Variants in TEX14 observed in about 807,000 individuals in gnomAD.
The protein encoded by TEX14 is inactive serine/threonine-protein kinase TEX14.
A neutral mutation model predicts 178.6 loss-of-function variants in TEX14; 168 were observed. The observed-to-expected ratio is 0.94, with a 90% confidence interval of 0.83 to 1.07. TEX14 has a LOEUF of 1.07. Ranked by LOEUF, TEX14 falls within the 50% of genes least tolerant of loss-of-function variation. TEX14 has a pLI of 0.00. For missense variants in TEX14, 1,730 were observed against 1,753.6 expected (o/e 0.99, Z 0.24); for synonymous variants, 626 against 634.1 (o/e 0.99, Z 0.19).
intron 1 of TEX14, among the ~76,000 whole-genome samples, chr17:58,662,310 C>T (rs1178333095): frequency 2.0e-5 from 3 of 151,590 alleles, no homozygotes; most frequent in East Asian, 3.9e-4. Context: ...ATTAGCTGGG[C>T]GTGGTGGCGG....
chr17:58,680,653 T>C (rs1290258501), intron 1 of TEX14, among the ~76,000 whole-genome samples: 1 of 151,964 alleles, frequency 6.6e-6, no homozygotes, highest in African/African-American at 2.4e-5. Context: ...GGAGAACCTC[T>C]TGAACCTAGG....
At chr17:58,612,940 G>A (rs1018396436) in intron 9 of TEX14, among the ~76,000 whole-genome samples, 1 of 151,942 alleles carries the variant, frequency 6.6e-6, no homozygotes, top group Non-Finnish European at 1.5e-5. Flanking sequence ...AGTGGCTCAC[G>A]CCTGCAATCC....
chr17:58,574,077 A>T (rs1226499229), intron 22 of TEX14, 110 bp downstream of exon 22: 2 of 884,498 alleles, frequency 2.3e-6, no homozygotes, highest in African/African-American at 3.4e-5. Context: ...GCATACTCAC[A>T]TTAAGTCTAC....
chr17:58,674,058 G>C (rs2047348134), intron 1 of TEX14, among the ~76,000 whole-genome samples: 1 of 152,160 alleles, frequency 6.6e-6, no homozygotes, highest in Admixed American at 6.6e-5. Context: ...CAGATTGCCT[G>C]AGATCAGGAG....
Position 58,564,951 on chromosome 17 carries a change from C to T in TEX14, c.3982G>A (p.Glu1328Lys). The T allele has an allele frequency of 5.0e-6, 8 of 1,597,402 alleles. No individual in the cohort carries two copies. The highest frequency in any genetic ancestry group is 2.2e-5 in the East Asian group (1 of 44,714). Residue 1328 changes from glutamate to lysine, a missense_variant, in exon 28 of 32, where the codon GAA (glutamate) becomes AAA (lysine). Transcript: ENST00000349033. ...GTANDQRHLE[E>K]QETDSKKEDS... ...TCTTTTTTACTGTCAGTTTCTTGTTCTTCTAAGTGCCTTTGATCTAAAAAC... is the reference window on the plus strand; with the variant it reads ...TCTTTTTTACTGTCAGTTTCTTGTTTTTCTAAGTGCCTTTGATCTAAAAAC...
intron 2 of TEX14, chr17:58,631,105 C>A: frequency 1.1e-6 from 1 of 951,466 alleles, no homozygotes; most frequent in Non-Finnish European, 1.3e-6. Context: ...ATATGCCTTA[C>A]CTACCAAGAA....
chr17:58,686,672 A>C (rs1424706982), intron 1 of TEX14, among the ~76,000 whole-genome samples: 1 of 152,064 alleles, frequency 6.6e-6, no homozygotes, highest in African/African-American at 2.4e-5. Context: ...CAACAAATAC[A>C]TATTGGGCTT....
intron 28 of TEX14, among the ~76,000 whole-genome samples, chr17:58,563,621 TTATATATATATATATA>T (rs3034889): frequency 0.099 from 4,619 of 46,502 alleles, 232 homozygotes; most frequent in Middle Eastern, 0.13. Context: ...CATCTCTAAT[TTATATATATATATATA>T]TATATATATA....
chr17:58,581,826 A>G, intron 19 of TEX14: 1 of 1,363,542 alleles, frequency 7.3e-7, no homozygotes, highest in Non-Finnish European at 1.0e-6. Context: ...GTTATCTAAC[A>G]CTACCCAGCA....
intron 1 of TEX14, among the ~76,000 whole-genome samples, chr17:58,682,625 C>T (rs970423457): frequency 1.3e-5 from 2 of 152,088 alleles, no homozygotes; most frequent in African/African-American, 2.4e-5. Context: ...AGGCCCACCT[C>T]AGCTTCCCAA....
At position 58,584,563 on chromosome 17, in the gene TEX14, T is replaced by C; in HGVS notation, c.3108A>G (p.Pro1036=). 6.2e-7 allele frequency: 1 copy of C among 1,614,202 alleles called. No homozygotes were observed. ...TTGCTTGGAAGGCTTCACTATGCTC[T>C]GGTTGCTCCTTTTGTCTGGGAGATG... The part of the protein sequence containing the change: ...RHPSPRQKEQ[P]EHSEAFQASS... The change falls in exon 19 of 32, where the codon CCA becomes CCG. Residue 1036 remains proline (P), a synonymous_variant. Coordinates refer to ENST00000349033, the MANE Select transcript of TEX14 (RefSeq NM_031272.5).
chr17:58,585,081 C>A (rs911651049), intron 18 of TEX14, among the ~76,000 whole-genome samples: 1 of 152,210 alleles, frequency 6.6e-6, no homozygotes, highest in Non-Finnish European at 1.5e-5. Context: ...TTAATGCCAG[C>A]TTAGAATACA....
intron 19 of TEX14, among the ~76,000 whole-genome samples, chr17:58,580,429 A>T (rs2044784066): frequency 6.6e-6 from 1 of 152,106 alleles, no homozygotes; most frequent in Non-Finnish European, 1.5e-5. Flanking sequence ...CTCCTGCCTC[A>T]GCCTCCCGAG....
At chr17:58,679,687 G>T (rs984333751) in intron 1 of TEX14, 3 of 152,156 alleles carry the variant, frequency 2.0e-5, no homozygotes, top group African/African-American at 4.8e-5. Flanking sequence ...TGCCAGTTAA[G>T]TATGAGTCCC....
chr17:58,578,020 A>C (rs1462137741), intron 20 of TEX14, among the ~76,000 whole-genome samples: 1 of 152,216 alleles, frequency 6.6e-6, no homozygotes, highest in Non-Finnish European at 1.5e-5. Context: ...CCAGGCAGGC[A>C]GGGCCAGTAT....
intron 1 of TEX14, among the ~76,000 whole-genome samples, chr17:58,655,404 G>A (rs993442736): frequency 6.6e-6 from 1 of 151,600 alleles, no homozygotes; most frequent in Non-Finnish European, 1.5e-5. Context: ...GGATGGTCTC[G>A]ATCTATTGAC....
chr17:58,603,681 C>T (rs765979861), intron 11 of TEX14, among the ~76,000 whole-genome samples: 4 of 151,374 alleles, frequency 2.6e-5, no homozygotes, highest in Admixed American at 6.6e-5. Context: ...GGTGAAACCC[C>T]GTCTGTACTA....
At position 58,582,461 on chromosome 17, in the gene TEX14, G is replaced by A. The variant is rs551489710; in HGVS notation, c.3171+2039C>T. Among the ~76,000 whole-genome samples, 3 of 151,972 alleles carry A rather than the reference G, an allele frequency of 2.0e-5. No individual in the cohort carries two copies. The South Asian group carries it at 6.2e-4, about 32-fold the overall frequency. On this transcript the variant is annotated intron_variant, in intron 19 of 31. Coordinates refer to ENST00000349033, the MANE Select transcript of TEX14 (RefSeq NM_031272.5). ...TTTTAGTAGAGAGGGGTTTCACTAT[G>A]GTGGCCAAACTGGTCTTGAACTCCT...
intron 2 of TEX14, among the ~76,000 whole-genome samples, chr17:58,643,874 C>CAAAAA (rs71143262): frequency 0.013 from 276 of 20,530 alleles, 30 homozygotes; most frequent in Non-Finnish European, 0.017. Context: ...GACTCTGTCT[C>CAAAAA]AAAAAAAAAA....
Sources: allele counts gnomAD v4.1 joint callset (sites outside exome capture counted in the v4.1 genomes callset), GRCh38; gene constraint gnomAD v4.1.1; transcripts MANE v1.5; gene names NCBI Gene and HGNC (gene_info 2026-07-23, HGNC 2026-07-21).